Variants in ZCCHC10 observed in about 807,000 individuals in gnomAD.
ZCCHC10 encodes zinc finger CCHC-type containing 10.
A neutral mutation model predicts 19.5 loss-of-function variants in ZCCHC10; 16 were observed. That is an observed-to-expected ratio of 0.82 (90% CI 0.56 to 1.25). The LOEUF (loss-of-function observed/expected upper bound fraction) is 1.25, where lower values mean the gene tolerates loss of function less well. Among genes scored for constraint, ZCCHC10 ranks in the 50% most tolerant of loss-of-function variants. ZCCHC10 has a pLI of 0.00. For missense variants in ZCCHC10, 197 were observed against 201.0 expected (o/e 0.98, Z 0.12); for synonymous variants, 67 against 72.5 (o/e 0.92, Z 0.38).
chr5:133,017,535 A>G (rs1039388378), intron 2 of ZCCHC10, among the ~76,000 whole-genome samples: 2 of 151,888 alleles, frequency 1.3e-5, no homozygotes, highest in African/African-American at 4.8e-5. Flanking sequence ...ACACATGGCT[A>G]ATATTTTTAG....
At chr5:133,007,117 C>T (rs1016299759) in intron 2 of ZCCHC10, among the ~76,000 whole-genome samples, 197 bp from the exon 3 acceptor site, 1 of 152,180 alleles carries the variant, frequency 6.6e-6, no homozygotes, top group African/African-American at 2.4e-5. Context: ...GTGTCCCCAT[C>T]TAAATCTCAT....
chr5:133,020,655 A>C (rs1043162239), intron 2 of ZCCHC10, among the ~76,000 whole-genome samples: 1 of 151,608 alleles, frequency 6.6e-6, no homozygotes, highest in African/African-American at 2.4e-5. Context: ...TATTAGAACT[A>C]ATAAATTAGT....
chr5:133,019,205 T>TAAAA (rs567363428), intron 2 of ZCCHC10: 4 of 267,484 alleles, frequency 1.5e-5, no homozygotes, highest in Admixed American at 5.5e-5. Context: ...ACACTGTCTC[T>TAAAA]AAAAAAAAAA....
At chr5:133,012,133 T>C (rs1315836814) in intron 2 of ZCCHC10, among the ~76,000 whole-genome samples, 1 of 32,150 alleles carries the variant, frequency 3.1e-5, no homozygotes, top group African/African-American at 1.2e-4. Context: ...TGAGCCTCCA[T>C]CTCAAAAAAA....
rs1166083595 is a variant in ZCCHC10, at chr5:133,026,546, G to A, written c.-9C>T. 1 of 1,613,186 alleles carries A rather than the reference G, an allele frequency of 6.2e-7. No homozygotes were observed. The highest frequency in any genetic ancestry group is 1.1e-5 in the South Asian group (1 of 90,890). On this transcript the variant is annotated 5_prime_UTR_variant, in exon 1 of 5. Transcript: ENST00000509437. Reference sequence around the variant, plus strand: ...TGCATGGGAGTCGCCATCTTAGCGCGGTCAAAGCCGGCCGCGCAGGGTTTT... The same window carrying A: ...TGCATGGGAGTCGCCATCTTAGCGCAGTCAAAGCCGGCCGCGCAGGGTTTT...
At chr5:133,022,045 ATGG>A (rs1433512192) in intron 2 of ZCCHC10, among the ~76,000 whole-genome samples, 2 of 151,908 alleles carry the variant, frequency 1.3e-5, no homozygotes, top group African/African-American at 4.8e-5. Context: ...TCCACCCACC[ATGG>A]GCCACCCAAA....
At chr5:133,013,073 A>T (rs1220492147) in intron 2 of ZCCHC10, among the ~76,000 whole-genome samples, 7 of 147,962 alleles carry the variant, frequency 4.7e-5, no homozygotes, top group South Asian at 2.1e-4. Context: ...AAAAAAAAAA[A>T]AAATAATAAA....
intron 2 of ZCCHC10, among the ~76,000 whole-genome samples, chr5:133,007,734 G>A (rs963350553): frequency 1.3e-5 from 2 of 152,094 alleles, no homozygotes; most frequent in Non-Finnish European, 2.9e-5. Context: ...TCTTGGGTAT[G>A]TCTTTATCAG....
At chr5:133,017,016 G>C (rs1763970092) in intron 2 of ZCCHC10, among the ~76,000 whole-genome samples, 2 of 152,000 alleles carry the variant, frequency 1.3e-5, no homozygotes, top group Non-Finnish European at 2.9e-5. Context: ...ACCCTGTGTG[G>C]ATATTCTCTC....
intron 2 of ZCCHC10, among the ~76,000 whole-genome samples, chr5:133,017,503 G>A (rs1359491709): frequency 1.3e-5 from 2 of 151,912 alleles, no homozygotes; most frequent in African/African-American, 4.8e-5. Flanking sequence ...TCAAGCAGCT[G>A]GGACCACAGG....
At chr5:133,003,238 C>A in intron 3 of ZCCHC10, 1 of 420,836 alleles carries the variant, frequency 2.4e-6, no homozygotes. Context: ...ATTGTTCAAT[C>A]CAGATGTTTG....
intron 2 of ZCCHC10, among the ~76,000 whole-genome samples, chr5:133,021,228 A>G (rs903253476): frequency 1.3e-4 from 20 of 152,100 alleles, no homozygotes; most frequent in Non-Finnish European, 7.4e-5. Flanking sequence ...ACAGGGTTTC[A>G]CCGTGTTAGC....
At chr5:133,011,175 C>A (rs999326131) in intron 2 of ZCCHC10, among the ~76,000 whole-genome samples, 5 of 151,962 alleles carry the variant, frequency 3.3e-5, no homozygotes, top group African/African-American at 1.2e-4. Context: ...TGGTCTTGAA[C>A]TCCTGGGCTC....
chr5:133,019,248 T>C (rs1441597627), intron 2 of ZCCHC10: 4 of 272,692 alleles, frequency 1.5e-5, no homozygotes, highest in South Asian at 1.2e-4. Context: ...AGCCCAGGTA[T>C]GATTAACATA....
chr5:132,998,515 T>C lies in ZCCHC10; in HGVS notation c.*68A>G. 6.8e-7 allele frequency: 1 copy of C among 1,462,994 alleles called. No individual in the cohort carries two copies. The highest frequency in any genetic ancestry group is 2.3e-5 in the East Asian group (1 of 43,978). The allele number at this position is 1,462,994 out of a possible 1,614,324, so 90.6% of individuals were successfully genotyped here. ...AGTTAACCTACTTGGCCTTAACATA[T>C]TCTAAATTCCCTTTCAAGAATCACA... On this transcript the variant is annotated 3_prime_UTR_variant, in exon 5 of 5. Coordinates refer to ENST00000509437, the MANE Select transcript of ZCCHC10 (RefSeq NM_001300816.3).
chr5:133,008,399 G>A (rs1379810262), intron 2 of ZCCHC10, among the ~76,000 whole-genome samples: 6 of 151,180 alleles, frequency 4.0e-5, no homozygotes, highest in Admixed American at 2.0e-4. Context: ...TTAGCTGGGC[G>A]TGGTGGTGGG....
intron 2 of ZCCHC10, among the ~76,000 whole-genome samples, chr5:133,022,393 T>C (rs1266882119): frequency 6.6e-6 from 1 of 152,076 alleles, no homozygotes; most frequent in African/African-American, 2.4e-5. Context: ...TGGGATCTGT[T>C]ATGTGGTGCA....
intron 2 of ZCCHC10, among the ~76,000 whole-genome samples, chr5:133,020,504 T>C (rs770751917): frequency 1.2e-4 from 18 of 151,552 alleles, no homozygotes; most frequent in Non-Finnish European, 2.2e-4. Context: ...GCAGCTGTAG[T>C]CTCAGTTACT....
At chr5:133,011,915 A>G (rs1242860894) in intron 2 of ZCCHC10, among the ~76,000 whole-genome samples, 1 of 152,020 alleles carries the variant, frequency 6.6e-6, no homozygotes, top group Admixed American at 6.6e-5. Context: ...AGATCATTTG[A>G]GGTCAGAAGT....
Sources: gnomAD v4.1 joint callset for allele counts (sites outside exome capture counted in the v4.1 genomes callset) on GRCh38, gnomAD v4.1.1 for gene constraint, MANE v1.5 for transcripts, NCBI Gene and HGNC (gene_info 2026-07-23, HGNC 2026-07-21) for gene names.